MPPED2: variants seen among roughly 807,000 people sequenced by gnomAD.
The protein encoded by MPPED2 is metallophosphoesterase MPPED2.
Under a neutral mutation model 33.0 loss-of-function variants are expected in MPPED2, and 5 were observed. The ratio of observed to expected loss-of-function variants is 0.15; its 90% CI spans 0.08 to 0.32. MPPED2 has a LOEUF of 0.32. MPPED2 is among the 10% of genes least tolerant of loss of function. The pLI is 1.00. For synonymous variants in MPPED2, 136 were observed against 141.9 expected (o/e 0.96, Z 0.29); for missense variants, 275 against 372.1 (o/e 0.74, Z 2.15).
intron 2 of MPPED2, among the ~76,000 whole-genome samples, chr11:30,539,735 C>T (rs1263218117): frequency 2.6e-5 from 4 of 152,112 alleles, no homozygotes; most frequent in East Asian, 1.9e-4. Context: ...ATCCTCCCAC[C>T]GCAGCTTCCA....
chr11:30,492,213 G>A (rs1211271532), intron 4 of MPPED2, among the ~76,000 whole-genome samples: 1 of 152,102 alleles, frequency 6.6e-6, no homozygotes, highest in Non-Finnish European at 1.5e-5. Flanking sequence ...CTGTTTGTTC[G>A]ATTGCTTGAG....
At chr11:30,576,428 C>T (rs1004600387) in intron 2 of MPPED2, among the ~76,000 whole-genome samples, 1 of 152,088 alleles carries the variant, frequency 6.6e-6, no homozygotes, top group African/African-American at 2.4e-5. Context: ...ATTTGAGTTC[C>T]CTAGTCGTCA....
intron 2 of MPPED2, among the ~76,000 whole-genome samples, chr11:30,555,146 T>G (rs1196100558): frequency 6.6e-6 from 1 of 152,112 alleles, no homozygotes; most frequent in Non-Finnish European, 1.5e-5. Context: ...TGGAAACTAT[T>G]TTAGTCCATG....
At chr11:30,390,527 G>A (rs1947759207) in intron 6 of MPPED2, among the ~76,000 whole-genome samples, 1 of 152,214 alleles carries the variant, frequency 6.6e-6, no homozygotes, top group African/African-American at 2.4e-5. Context: ...GGAGTCTGGA[G>A]AATATATCAC....
intron 2 of MPPED2, among the ~76,000 whole-genome samples, chr11:30,577,358 C>T (rs1956975524): frequency 6.6e-6 from 1 of 152,066 alleles, no homozygotes; most frequent in Non-Finnish European, 1.5e-5. Context: ...AACTATAATC[C>T]AAGTGATCTG....
rs539127481 is a variant in MPPED2, at chr11:30,484,740, C to T, written c.536+10556G>A. Among the ~76,000 whole-genome samples, 70 of 152,278 alleles carry T rather than the reference C, an allele frequency of 4.6e-4. No homozygotes were observed. The South Asian group carries it at 6.6e-3, about 14-fold the overall frequency. The stretch of plus-strand genomic sequence containing the variant: ...TTCCATGCCTTTTGACCAAATGCAG[C>T]GGAATATGGGGTTCCTTTCTTAAAT... On this transcript the variant is annotated intron_variant, in intron 4 of 6. Coordinates refer to ENST00000358117, the MANE Select transcript of MPPED2 (RefSeq NM_001584.3).
chr11:30,525,779 A>G (rs1954131616), intron 3 of MPPED2, among the ~76,000 whole-genome samples: 1 of 152,200 alleles, frequency 6.6e-6, no homozygotes, highest in Admixed American at 6.5e-5. Flanking sequence ...AATATACTCA[A>G]AAGGTACTTT....
Position 30,580,295 on chromosome 11 carries a change from T to C in MPPED2, c.79A>G (p.Thr27Ala). ...CTGCTCTGGTTGATGTTGTAGTGCG[T>C]GAATGCCTGGGTGGGGTTTGAGCTG... ...EYSSNPTQAF[T>A]HYNINQSRFQ... Residue 27 changes from threonine (T) to alanine (A), a missense_variant, in exon 2 of 7, where the codon ACG becomes GCG. Physicochemically the swap from Thr to Ala is moderately conservative, Grantham distance 58. Transcript: ENST00000358117. 1 of 1,614,136 alleles carries C rather than the reference T, an allele frequency of 6.2e-7. No individual in the cohort carries two copies. The highest frequency in any genetic ancestry group is 1.6e-4 in the Middle Eastern group (1 of 6,062).
At chr11:30,386,483 C>A (rs931580820) in exon 7 of MPPED2, 10 of 345,144 alleles carry the variant, frequency 2.9e-5, no homozygotes, top group Non-Finnish European at 4.7e-5. Context: ...TAAGCCTTGG[C>A]AGCTTCCACC....
At chr11:30,542,459 C>CAAAAAAAAAAAAAAAA (rs59474313) in intron 2 of MPPED2, among the ~76,000 whole-genome samples, 1 of 77,800 alleles carries the variant, frequency 1.3e-5, no homozygotes, top group Non-Finnish European at 2.3e-5. Flanking sequence ...ACCAAAAGTA[C>CAAAAAAAAAAAAAAAA]AAAAAAAAAA....
chr11:30,580,817 T>C (rs1474451658), intron 1 of MPPED2, among the ~76,000 whole-genome samples: 1 of 152,240 alleles, frequency 6.6e-6, no homozygotes, highest in Non-Finnish European at 1.5e-5. Context: ...CTATACATGG[T>C]TTGTGCTCCA....
intron 2 of MPPED2, among the ~76,000 whole-genome samples, chr11:30,577,882 T>A (rs150171125): frequency 6.6e-6 from 1 of 152,320 alleles, no homozygotes; most frequent in Non-Finnish European, 1.5e-5. Context: ...CATAATCAAA[T>A]CAATGGATCA....
At chr11:30,535,447 C>T (rs939854178) in intron 3 of MPPED2, among the ~76,000 whole-genome samples, 30 of 152,228 alleles carry the variant, frequency 2.0e-4, no homozygotes, top group Admixed American at 1.8e-3. Flanking sequence ...ACTTCACATC[C>T]CAAGTTTTTA....
intron 6 of MPPED2, chr11:30,389,006 A>G (rs1565028402): frequency 1.2e-5 from 18 of 1,513,852 alleles, no homozygotes; most frequent in South Asian, 2.6e-5. Context: ...AGAGATGAAC[A>G]TGACCTAAAT....
chr11:30,476,932 T>C (rs531645265), intron 4 of MPPED2, among the ~76,000 whole-genome samples: 98 of 152,168 alleles, frequency 6.4e-4, no homozygotes, highest in African/African-American at 2.3e-3. Context: ...GTGAAGAGAT[T>C]CTACATATCT....
At chr11:30,517,458 C>A (rs932585099) in intron 3 of MPPED2, among the ~76,000 whole-genome samples, 1 of 152,228 alleles carries the variant, frequency 6.6e-6, no homozygotes, top group African/African-American at 2.4e-5. Context: ...TTTAAACCAA[C>A]AATATTGAGG....
chr11:30,507,966 T>C (rs1215949233), intron 3 of MPPED2, among the ~76,000 whole-genome samples: 1 of 152,198 alleles, frequency 6.6e-6, no homozygotes, highest in Non-Finnish European at 1.5e-5. Context: ...TTTTACTTTC[T>C]ACATTTTCAT....
chr11:30,495,221 C>T (rs932181622), intron 4 of MPPED2, 75 bp downstream of exon 4: 35 of 979,544 alleles, frequency 3.6e-5, no homozygotes, highest in Admixed American at 9.4e-5. Flanking sequence ...TCATTTAAAG[C>T]ATCTAAATCT....
chr11:30,533,923 A>T (rs1436182455), intron 3 of MPPED2, among the ~76,000 whole-genome samples: 3 of 152,170 alleles, frequency 2.0e-5, no homozygotes, highest in Non-Finnish European at 4.4e-5. Flanking sequence ...TGATCTACTA[A>T]ATAATTCCTC....
Sources: allele counts gnomAD v4.1 joint callset (sites outside exome capture counted in the v4.1 genomes callset), GRCh38; gene constraint gnomAD v4.1.1; transcripts MANE v1.5; gene names NCBI Gene and HGNC (gene_info 2026-07-23, HGNC 2026-07-21).